Variants in AMOT observed in about 807,000 individuals in gnomAD.
The protein encoded by AMOT is angiomotin.
Under a neutral mutation model 67.0 loss-of-function variants are expected in AMOT, and 11 were observed. That is an observed-to-expected ratio of 0.16 (90% CI 0.10 to 0.27). The LOEUF is 0.27. Among genes scored for constraint, AMOT ranks in the 10% least tolerant of loss-of-function variants. AMOT has a pLI of 1.00. For synonymous variants in AMOT, 326 were observed against 321.4 expected (o/e 1.01, Z -0.15); for missense variants, 753 against 852.0 (o/e 0.88, Z 1.45).
rs1264906811 is a variant in AMOT, at chrX:112,822,166, C to A, written c.872+89G>T. The A allele has an allele frequency of 3.9e-6, 4 of 1,038,626 alleles. No homozygotes were observed. In the Admixed American group the frequency reaches 1.6e-4, roughly 43 times the overall value. The allele number at this position is 1,038,626 out of a possible 1,213,427, so 85.6% of individuals were successfully genotyped here. On this transcript the variant is annotated intron_variant, in intron 4 of 13. Coordinates refer to ENST00000371959, the MANE Select transcript of AMOT (RefSeq NM_001113490.2). ...ATTGCAGAGTTTGTTATATCAAACA[C>A]CTGCCCGTTCCTTCCCTAAGATTCC...
intron 8 of AMOT, among the ~76,000 whole-genome samples, chrX:112,804,355 G>T: frequency 9.0e-6 from 1 of 110,794 alleles, no homozygotes; most frequent in South Asian, 4.0e-4. Flanking sequence ...TCCCAAGATT[G>T]CTTCTATTCA....
rs192873934 is a variant in AMOT, at chrX:112,830,023, C to A, written c.-212+2271G>T. On this transcript the variant is annotated intron_variant, in intron 2 of 13. Transcript: ENST00000371959. ...TATACCTAGAAGCTGCCTGCTTGAC[C>A]AATCTTTAACCGCCAATGCCAGACC... Among the ~76,000 whole-genome samples, 51 of 111,835 alleles carry A rather than the reference C, an allele frequency of 4.6e-4. No homozygotes were observed. In the East Asian group the frequency reaches 7.0e-3, roughly 15 times the overall value.
intron 8 of AMOT, among the ~76,000 whole-genome samples, chrX:112,797,071 C>T (rs1056578744): frequency 2.7e-5 from 3 of 111,893 alleles, no homozygotes; most frequent in African/African-American, 9.8e-5. Flanking sequence ...TCACAGACCT[C>T]TAGGTGACTA....
Position 112,779,112 on chromosome X carries a change from TGGAGTTGGAGCC to T in AMOT, c.3030_3041del (p.Ala1015_Pro1018del), listed in dbSNP as rs1933020272. The T allele has an allele frequency of 8.7e-7, 1 of 1,145,072 alleles. No individual in the cohort carries two copies. Among genetic ancestry groups the T allele is most frequent in the African/African-American group, 1.8e-5 (1 of 55,863 alleles). The allele number at this position is 1,145,072 out of a possible 1,213,427, so 94.4% of individuals were successfully genotyped here. On this transcript the variant is annotated inframe_deletion, in exon 13 of 14. Transcript: ENST00000371959. ...CCACAGCTGGAGTTGGAGTTGGAGC[TGGAGTTGGAGCC>T]ACAGCCGGAGCTGAAGTTGGTGCCT... is the stretch of plus-strand genomic sequence containing the variant.
chrX:112,804,835 C>A (rs925541967), intron 8 of AMOT, 112 bp downstream of exon 8: 7 of 1,040,675 alleles, frequency 6.7e-6, no homozygotes, highest in Middle Eastern at 3.8e-4. Flanking sequence ...GCAGATGGCA[C>A]CTCCCTTCTG....
chrX:112,820,672 C>A (rs946471127), intron 4 of AMOT, among the ~76,000 whole-genome samples: 2 of 111,598 alleles, frequency 1.8e-5, no homozygotes, highest in Admixed American at 1.9e-4. Context: ...CTCTTCCATA[C>A]TGATGGGAAA....
rs371312116 is a variant in AMOT, at chrX:112,800,717, A to G, written c.1776+4230T>C. ...TCAAATTAGTAAGAGATCCAGAAAG[A>G]AGGGAAAATATTAGCCCTTAAGAAC... On this transcript the variant is annotated intron_variant, in intron 8 of 13. Transcript: ENST00000371959. Among the ~76,000 whole-genome samples the G allele has an allele frequency of 1.1e-4, 12 of 110,334 alleles. No individual in the cohort carries two copies. In the South Asian group the frequency reaches 4.5e-3, roughly 42 times the overall value.
At position 112,779,145 on chromosome X, in the gene AMOT, T is replaced by C; in HGVS notation, c.3009A>G (p.Ala1003=). 1.0e-6 allele frequency: 1 copy of C among 995,751 alleles called. No homozygotes were observed. The highest frequency in any genetic ancestry group is 1.4e-6 in the Non-Finnish European group (1 of 698,662). The allele number at this position is 995,751 out of a possible 1,213,427, so 82.1% of individuals were successfully genotyped here. A position where few individuals can be genotyped will look rare whatever the true frequency, so the allele number is the denominator to read the frequency against. The stretch of plus-strand genomic sequence containing the variant: ...GAGCCACAGCCGGAGCTGAAGTTGG[T>C]GCCTGAGTCTGAGCAGGAGCAGAAG... ...AQASAPAQTQ[A]PTSAPAVAPT... The change falls in exon 13 of 14, where the codon GCA becomes GCG. Residue 1003 remains alanine, a synonymous_variant. Coordinates refer to ENST00000371959, the MANE Select transcript of AMOT (RefSeq NM_001113490.2).
At chrX:112,795,248 C>CTGTGTGTGTGTGTG (rs575390682) in intron 8 of AMOT, among the ~76,000 whole-genome samples, 1 of 104,195 alleles carries the variant, frequency 9.6e-6, no homozygotes, top group Non-Finnish European at 2.0e-5. Flanking sequence ...GTCTCTCTCT[C>CTGTGTGTGTGTGTG]TGTGTGTGTG....
rs1248758831 is a variant in AMOT at position 112,775,544 on chromosome X, C to T, written c.*3023G>A. The T allele has an allele frequency of 1.8e-5, 2 of 112,019 alleles. No individual in the cohort carries two copies. The highest frequency in any genetic ancestry group is 6.5e-5 in the African/African-American group (2 of 30,725). 9.2% of individuals were successfully genotyped at this position (112,019 alleles called of 1,213,427 possible). On this transcript the variant is annotated 3_prime_UTR_variant, in exon 14 of 14. Transcript: ENST00000371959. Reference sequence around the variant, plus strand: ...CATGATGGGTCTCTGGGTATCTTTCCTATGGCAGATGATGGCAGATATTTT... The same window carrying T: ...CATGATGGGTCTCTGGGTATCTTTCTTATGGCAGATGATGGCAGATATTTT...
In AMOT at chrX:112,793,981, A is replaced by G. The variant is rs189720282; in HGVS notation, c.1777-2000T>C. 4.5e-5 allele frequency among the ~76,000 whole-genome samples: 5 copies of G among 112,191 alleles called. No individual in the cohort carries two copies. In the East Asian group the frequency reaches 1.4e-3, roughly 32 times the overall value. On this transcript the variant is annotated intron_variant, in intron 8 of 13. Coordinates refer to ENST00000371959, the MANE Select transcript of AMOT (RefSeq NM_001113490.2). Reference sequence around the variant, plus strand: ...CCTTTTGGGTCTTATAATCCTTATGAGCAATTTAAAGCTGAATGCATTTAT... The same window carrying G: ...CCTTTTGGGTCTTATAATCCTTATGGGCAATTTAAAGCTGAATGCATTTAT...
chrX:112,782,444 A>T, intron 11 of AMOT, 96 bp downstream of exon 11: 1 of 1,112,683 alleles, frequency 9.0e-7, no homozygotes, highest in Non-Finnish European at 1.2e-6. Context: ...TGGAGCGGGG[A>T]GGCTGCATGA....
Position 112,823,027 on chromosome X carries a change from G to C in AMOT, c.100C>G (p.Leu34Val), listed in dbSNP as rs763421562. Residue 34 changes from leucine to valine, a missense_variant, in exon 4 of 14, where the codon CTG becomes GTG. Coordinates refer to ENST00000371959, the MANE Select transcript of AMOT (RefSeq NM_001113490.2). ...RYGNPSENRS[L>V]LAIHQQATGN... ...GTGGCTTGCTGGTGTATGGCAAGCA[G>C]GCTGCGATTCTCACTAGGATTGCCA... is the stretch of plus-strand genomic sequence containing the variant. 2 of 1,167,703 alleles carry C rather than the reference G, an allele frequency of 1.7e-6. No homozygotes were observed. The highest frequency in any genetic ancestry group is 1.9e-5 in the South Asian group (1 of 52,691).
intron 7 of AMOT, among the ~76,000 whole-genome samples, chrX:112,808,598 C>T (rs904962791): frequency 1.8e-5 from 2 of 112,061 alleles, no homozygotes; most frequent in South Asian, 3.7e-4. Flanking sequence ...CCGGTAATAC[C>T]GTCTGATTTA....
chrX:112,778,753 C>A, intron 13 of AMOT, 89 bp from the exon 14 acceptor site: 1 of 881,132 alleles, frequency 1.1e-6, no homozygotes, highest in Non-Finnish European at 1.6e-6. Flanking sequence ...CCTCATGAAG[C>A]CAATGGCAAA....
intron 8 of AMOT, 49 bp downstream of exon 8, chrX:112,804,898 T>TTCCCCCCCCCCCCCCCCC: frequency 3.6e-6 from 3 of 837,577 alleles, no homozygotes; most frequent in Non-Finnish European, 5.2e-6. Context: ...GTCCCCGATT[T>TTCCCCCCCCCCCCCCCCC]CCCAGCCCTC....
intron 3 of AMOT, among the ~76,000 whole-genome samples, chrX:112,824,679 G>A (rs1286772239): frequency 9.0e-6 from 1 of 111,311 alleles, no homozygotes; most frequent in Non-Finnish European, 1.9e-5. Context: ...GTGCACACCA[G>A]TGGGTTAAGC....
intron 10 of AMOT, 132 bp downstream of exon 10, chrX:112,790,460 T>C (rs1299726221): frequency 3.8e-5 from 26 of 691,648 alleles, no homozygotes; most frequent in Non-Finnish European, 4.9e-5. Context: ...CATAATCAGA[T>C]GAAAGAAAAC....
chrX:112,811,426 G>C, intron 5 of AMOT, 33 bp from the exon 6 acceptor site: 1 of 1,187,520 alleles, frequency 8.4e-7, no homozygotes, highest in African/African-American at 1.8e-5. Flanking sequence ...GGTGGTGATG[G>C]TAGGAGGGTG....
Sources: allele counts gnomAD v4.1 joint callset (sites outside exome capture counted in the v4.1 genomes callset), GRCh38; gene constraint gnomAD v4.1.1; transcripts MANE v1.5; gene names NCBI Gene and HGNC (gene_info 2026-07-23, HGNC 2026-07-21).